The following ZNF280D variants were observed in gnomAD, a reference collection of about 807,000 sequenced individuals.
ZNF280D encodes zinc finger protein 280D, also known as suppressor of hairy wing homolog 4.
ZNF280D carries 39 observed loss-of-function variants against 94.7 expected under a neutral mutation model. That is an observed-to-expected ratio of 0.41 (90% CI 0.32 to 0.54). ZNF280D has a LOEUF of 0.54. Ranked by LOEUF, ZNF280D falls within the 20% of genes least tolerant of loss-of-function variation. The pLI is 0.22. For synonymous variants in ZNF280D, 398 were observed against 377.6 expected (o/e 1.05, Z -0.63); for missense variants, 1,090 against 1,149.3 (o/e 0.95, Z 0.75).
At chr15:56,681,766 G>A (rs1253395767) in intron 10 of ZNF280D, among the ~76,000 whole-genome samples, 1 of 151,964 alleles carries the variant, frequency 6.6e-6, no homozygotes, top group Non-Finnish European at 1.5e-5. Flanking sequence ...AAACAGACAT[G>A]CTTCCTAGAA....
chr15:56,708,128 C>A (rs1183829993), intron 1 of ZNF280D, among the ~76,000 whole-genome samples: 1 of 152,026 alleles, frequency 6.6e-6, no homozygotes, highest in Non-Finnish European at 1.5e-5. Flanking sequence ...ACTAATTCAA[C>A]CTTCACTTTC....
intron 1 of ZNF280D, among the ~76,000 whole-genome samples, chr15:56,722,742 G>A (rs1409332839): frequency 6.6e-6 from 1 of 152,068 alleles, no homozygotes; most frequent in Non-Finnish European, 1.5e-5. Flanking sequence ...ATACCCAAAG[G>A]ACTATAAATC....
intron 19 of ZNF280D, chr15:56,652,414 CAAT>C (rs2053260551): frequency 5.3e-6 from 1 of 188,582 alleles, no homozygotes; most frequent in Non-Finnish European, 9.9e-6. Context: ...TTCCATATAA[CAAT>C]GAGAGCAATG....
intron 7 of ZNF280D, among the ~76,000 whole-genome samples, chr15:56,690,024 A>G (rs1038199339): frequency 1.1e-4 from 17 of 152,206 alleles, no homozygotes; most frequent in African/African-American, 4.1e-4. Context: ...GGTATTACCC[A>G]TTCATCGCTA....
intron 20 of ZNF280D, among the ~76,000 whole-genome samples, chr15:56,637,150 A>G (rs2052392436): frequency 6.7e-6 from 1 of 148,878 alleles, no homozygotes; most frequent in African/African-American, 2.5e-5. Flanking sequence ...AACCCCAAAG[A>G]AAAAATTTTC....
chr15:56,640,477 G>C (rs2052575469), intron 20 of ZNF280D, among the ~76,000 whole-genome samples: 1 of 152,056 alleles, frequency 6.6e-6, no homozygotes, highest in African/African-American at 2.4e-5. Context: ...GAAAAATATT[G>C]AAAAATTTAA....
chr15:56,706,493 A>G (rs778650335), intron 3 of ZNF280D, among the ~76,000 whole-genome samples: 2 of 151,842 alleles, frequency 1.3e-5, no homozygotes, highest in African/African-American at 2.4e-5. Context: ...AAACTAACAA[A>G]CAAACAAAAA....
chr15:56,649,929 T>A (rs1327057355), intron 19 of ZNF280D, among the ~76,000 whole-genome samples: 2 of 152,136 alleles, frequency 1.3e-5, no homozygotes, highest in African/African-American at 2.4e-5. Flanking sequence ...GGTTTGAGAA[T>A]AGCAGAATAA....
intron 1 of ZNF280D, among the ~76,000 whole-genome samples, chr15:56,722,888 C>A (rs1188531202): frequency 6.6e-6 from 1 of 151,712 alleles, no homozygotes; most frequent in Non-Finnish European, 1.5e-5. Context: ...CCATGGAATA[C>A]TATGCAGCCA....
chr15:56,660,562 A>G (rs1175367453), intron 16 of ZNF280D, among the ~76,000 whole-genome samples: 2 of 152,152 alleles, frequency 1.3e-5, no homozygotes, highest in African/African-American at 4.8e-5. Context: ...AAAAAGGAAA[A>G]AAAAATACTA....
chr15:56,653,335 G>A (rs2053320470), intron 19 of ZNF280D: 2 of 1,253,340 alleles, frequency 1.6e-6, no homozygotes, highest in Non-Finnish European at 2.0e-6. Context: ...ATAAGCCAAA[G>A]CCCCCAGTGG....
At chr15:56,692,982 A>C in intron 7 of ZNF280D, 116 bp downstream of exon 7, 1 of 604,690 alleles carries the variant, frequency 1.7e-6, no homozygotes, top group Non-Finnish European at 3.0e-6. Context: ...GTTCCACCTT[A>C]CAATATATGA....
At chr15:56,687,920 T>A (rs752288234) in intron 9 of ZNF280D, among the ~76,000 whole-genome samples, 1 of 152,180 alleles carries the variant, frequency 6.6e-6, no homozygotes, top group Non-Finnish European at 1.5e-5. Flanking sequence ...ATGCTGAATT[T>A]CAATAAAAAT....
At chr15:56,681,789 T>C (rs185807283) in intron 10 of ZNF280D, among the ~76,000 whole-genome samples, 1 of 152,234 alleles carries the variant, frequency 6.6e-6, no homozygotes, top group African/African-American at 2.4e-5. Flanking sequence ...GATACATCTC[T>C]AAAACTGATA....
At position 56,669,601 on chromosome 15, in the gene ZNF280D, A is replaced by G. The variant is rs1482177503; in HGVS notation, c.1411-644T>C. On this transcript the variant is annotated intron_variant, in intron 13 of 21. Transcript: ENST00000267807. Reference sequence around the variant, plus strand: ...TAACTTTAATTAATTTAAATCTAAAAAGCCATATGTGGCTAGTAGCTACTA... The same window carrying G: ...TAACTTTAATTAATTTAAATCTAAAGAGCCATATGTGGCTAGTAGCTACTA... Among the ~76,000 whole-genome samples the G allele has an allele frequency of 4.6e-5, 7 of 150,712 alleles. No individual in the cohort carries two copies. The East Asian group carries it at 1.4e-3, about 30-fold the overall frequency.
chr15:56,721,398 C>T (rs2141406286), intron 1 of ZNF280D, among the ~76,000 whole-genome samples: 1 of 152,282 alleles, frequency 6.6e-6, no homozygotes, highest in Admixed American at 6.5e-5. Context: ...AATTTGAAAG[C>T]CAGGCATGAC....
chr15:56,666,707 T>G lies in ZNF280D; in HGVS notation c.1825A>C (p.Lys609Gln). 1 of 1,610,150 alleles carries G rather than the reference T, an allele frequency of 6.2e-7. No individual in the cohort carries two copies. The change falls in exon 15 of 22, where the codon AAA (lysine) becomes CAA (glutamine). Residue 609 changes from lysine (K) to glutamine (Q), a missense_variant. Coordinates refer to ENST00000267807, the MANE Select transcript of ZNF280D (RefSeq NM_017661.4). ...STLASSNKKSKVNTALRNLRY... is the reference protein window; with the variant it reads ...STLASSNKKSQVNTALRNLRY... ...AAATTCCTCAATGCTGTATTGACTT[T>G]ACTTTTTTTATTGCTACTAGCCAAT...
chr15:56,686,659 T>A (rs2141041580), intron 9 of ZNF280D, among the ~76,000 whole-genome samples: 1 of 152,244 alleles, frequency 6.6e-6, no homozygotes, highest in East Asian at 1.9e-4. Flanking sequence ...AATATCGAAT[T>A]CCATACCCCA....
intron 1 of ZNF280D, among the ~76,000 whole-genome samples, chr15:56,710,515 T>TG (rs1460021618): frequency 1.3e-5 from 2 of 151,984 alleles, no homozygotes; most frequent in African/African-American, 2.4e-5. Context: ...ACTGTTTGCA[T>TG]GGGGGAAAAA....
Sources: allele counts gnomAD v4.1 joint callset (sites outside exome capture counted in the v4.1 genomes callset), GRCh38; gene constraint gnomAD v4.1.1; transcripts MANE v1.5; gene names NCBI Gene and HGNC (gene_info 2026-07-23, HGNC 2026-07-21).